MACROD1: variants seen among roughly 807,000 people sequenced by gnomAD.
MACROD1 encodes the protein mono-ADP ribosylhydrolase 1, also known as ADP-ribose glycohydrolase MACROD1.
In MACROD1, 31 loss-of-function variants were observed where a neutral mutation model predicts 41.4. The ratio of observed to expected loss-of-function variants is 0.75; its 90% CI spans 0.56 to 1.01. MACROD1 has a LOEUF of 1.01. Ranked by LOEUF, MACROD1 falls within the 50% of genes least tolerant of loss-of-function variation. MACROD1 has a pLI of 0.00. For missense variants in MACROD1, 473 were observed against 460.0 expected, an observed-to-expected ratio of 1.03 and a Z score of -0.26; for synonymous variants, 252 against 203.4, an observed-to-expected ratio of 1.24 and a Z score of -2.03.
intron 3 of MACROD1, among the ~76,000 whole-genome samples, chr11:64,143,870 C>A (rs1945453164): frequency 6.6e-6 from 1 of 150,662 alleles, no homozygotes; most frequent in South Asian, 2.1e-4. Context: ...GCTGTGTGAC[C>A]TTTAGCAAGT....
chr11:64,116,720 G>A lies in MACROD1; in HGVS notation c.517+34519C>T, dbSNP rs199846270. ...CCAGGGACTCGCTGGCCCGCATCCC[G>A]CTGCTGGAGAAGCTGCACCTGGATG... On this transcript the variant is annotated intron_variant, in intron 3 of 10. Transcript: ENST00000255681. 41 of 1,613,712 alleles carry A rather than the reference G, an allele frequency of 2.5e-5. No individual in the cohort carries two copies. The East Asian group carries it at 4.7e-4, about 18-fold the overall frequency.
At chr11:64,149,922 C>T (rs1407025685) in intron 3 of MACROD1, among the ~76,000 whole-genome samples, 1 of 152,242 alleles carries the variant, frequency 6.6e-6, no homozygotes, top group East Asian at 1.9e-4. Flanking sequence ...CAGTTCTCAT[C>T]CTAGTGGCCC....
At chr11:64,105,429 G>A (rs1944743991) in intron 3 of MACROD1, among the ~76,000 whole-genome samples, 1 of 152,214 alleles carries the variant, frequency 6.6e-6, no homozygotes, top group Non-Finnish European at 1.5e-5. Context: ...TTGGGGCCTG[G>A]CCCTCTGGTT....
chr11:64,035,678 GGGT>G (rs1943360819), intron 3 of MACROD1, among the ~76,000 whole-genome samples: 1 of 24,484 alleles, frequency 4.1e-5, no homozygotes, highest in African/African-American at 1.4e-4. Flanking sequence ...CTCCCGCGCC[GGGT>G]CCCGCCGGCC....
At chr11:64,047,695 G>C (rs149819565) in intron 3 of MACROD1, among the ~76,000 whole-genome samples, 2,788 of 152,088 alleles carry the variant, frequency 0.018, 84 homozygotes, top group African/African-American at 0.064. Context: ...TCAGGAGCTC[G>C]AGACCAGCCT....
chr11:64,129,929 C>T (rs570491145), intron 3 of MACROD1, among the ~76,000 whole-genome samples: 30 of 152,230 alleles, frequency 2.0e-4, no homozygotes, highest in African/African-American at 7.2e-4. Context: ...CTGAAGAGGA[C>T]CGGGTGGTTG....
At chr11:64,022,606 A>T (rs913584756) in intron 3 of MACROD1, among the ~76,000 whole-genome samples, 11 of 152,232 alleles carry the variant, frequency 7.2e-5, no homozygotes, top group African/African-American at 2.2e-4. Flanking sequence ...CAGATGGAAT[A>T]ACATGTGAAA....
intron 3 of MACROD1, among the ~76,000 whole-genome samples, chr11:64,031,382 C>T (rs924113394): frequency 4.0e-5 from 6 of 151,826 alleles, no homozygotes; most frequent in Admixed American, 6.6e-5. Context: ...CCCCAGCCCT[C>T]TGTGTTGTGC....
intron 3 of MACROD1, among the ~76,000 whole-genome samples, chr11:64,019,131 T>C (rs1402832996): frequency 6.6e-6 from 1 of 152,222 alleles, no homozygotes; most frequent in Non-Finnish European, 1.5e-5. Context: ...CTGGAGGCTG[T>C]GGAGTGCCCT....
intron 3 of MACROD1, among the ~76,000 whole-genome samples, chr11:64,049,333 G>A (rs1220193620): frequency 4.6e-5 from 7 of 152,226 alleles, no homozygotes; most frequent in African/African-American, 1.2e-4. Flanking sequence ...GGGTCCTACC[G>A]ATGCCCAAAG....
At chr11:64,073,324 C>T (rs1375326228) in intron 3 of MACROD1, among the ~76,000 whole-genome samples, 1 of 152,232 alleles carries the variant, frequency 6.6e-6, no homozygotes, top group Non-Finnish European at 1.5e-5. Context: ...CCAGCAGACT[C>T]CCACTCCCCC....
At chr11:64,127,596 C>T (rs569805538) in intron 3 of MACROD1, among the ~76,000 whole-genome samples, 3 of 152,368 alleles carry the variant, frequency 2.0e-5, no homozygotes, top group Non-Finnish European at 1.5e-5. Context: ...CCTCTGTCCC[C>T]ACCCACAGGC....
chr11:64,044,251 CTT>C (rs34174027), intron 3 of MACROD1, among the ~76,000 whole-genome samples: 27 of 140,346 alleles, frequency 1.9e-4, no homozygotes, highest in Non-Finnish European at 1.6e-4. Context: ...CCCCCAACAA[CTT>C]TTTTTTTTTT....
At chr11:64,115,959 G>C (rs1260414496) in intron 3 of MACROD1, among the ~76,000 whole-genome samples, 1 of 152,190 alleles carries the variant, frequency 6.6e-6, no homozygotes, top group African/African-American at 2.4e-5. Flanking sequence ...GGCAGCACGG[G>C]TCTCATTAAT....
At chr11:64,068,443 T>C (rs1490042295) in intron 3 of MACROD1, among the ~76,000 whole-genome samples, 1 of 152,176 alleles carries the variant, frequency 6.6e-6, no homozygotes, top group Non-Finnish European at 1.5e-5. Context: ...TAGCAAGGAA[T>C]AAAAGAGTCT....
chr11:64,060,258 C>T (rs1001309655), intron 3 of MACROD1, among the ~76,000 whole-genome samples: 26 of 152,250 alleles, frequency 1.7e-4, no homozygotes, highest in Non-Finnish European at 8.8e-5. Flanking sequence ...GCCCAGGAGG[C>T]CCCAGAGCTC....
intron 3 of MACROD1, among the ~76,000 whole-genome samples, chr11:64,125,299 CAG>C (rs1945161227): frequency 6.6e-6 from 1 of 152,170 alleles, no homozygotes; most frequent in Non-Finnish European, 1.5e-5. Flanking sequence ...AGCCTAAGAC[CAG>C]AGAGTCCTCA....
rs1212152869 is a variant in MACROD1 at position 64,120,691 on chromosome 11, A to C, written c.517+30548T>G. 2.0e-5 allele frequency among the ~76,000 whole-genome samples: 3 copies of C among 152,024 alleles called. No individual in the cohort carries two copies. The highest frequency in any genetic ancestry group is 4.4e-5 in the Non-Finnish European group (3 of 67,960). On this transcript the variant is annotated intron_variant, in intron 3 of 10. Coordinates refer to ENST00000255681, the MANE Select transcript of MACROD1 (RefSeq NM_014067.4). This position sits in a 1 kb window ranked among gnomAD's most constrained non-coding sequence, Gnocchi z 4.5. ...AGAGTGAGACTCCATCTCAAAAAAA[A>C]AAAAGTAGGCCCTCCCAGTGGACCA... is the stretch of plus-strand genomic sequence containing the variant.
chr11:64,039,294 C>CT (rs1943440662), intron 3 of MACROD1, among the ~76,000 whole-genome samples: 1 of 152,128 alleles, frequency 6.6e-6, no homozygotes, highest in Non-Finnish European at 1.5e-5. Flanking sequence ...GTGGGGACTG[C>CT]CCCGGGGGTA....
Sources: allele counts gnomAD v4.1 joint callset (sites outside exome capture counted in the v4.1 genomes callset), GRCh38; gene constraint gnomAD v4.1.1; non-coding constraint Gnocchi (gnomAD v3.1); transcripts MANE v1.5; gene names NCBI Gene and HGNC (gene_info 2026-07-23, HGNC 2026-07-21).